ACLY: variants seen among roughly 807,000 people sequenced by gnomAD.
ACLY encodes the protein ATP-citrate synthase.
ACLY carries 41 observed loss-of-function variants against 133.0 expected under a neutral mutation model. That is an observed-to-expected ratio of 0.31 (90% CI 0.24 to 0.40). The LOEUF is 0.40. Ranked by LOEUF, ACLY falls within the 10% of genes least tolerant of loss-of-function variation. The probability of loss-of-function intolerance (pLI) is 1.00; values close to 1 mark genes in which losing one functional copy is unlikely to be tolerated. For missense variants in ACLY, 1,046 were observed against 1,453.8 expected, an observed-to-expected ratio of 0.72 and a Z score of 4.56; for synonymous variants, 495 against 549.3, an observed-to-expected ratio of 0.90 and a Z score of 1.38.
chr17:41,907,983 G>T (rs1481912918), intron 6 of ACLY, among the ~76,000 whole-genome samples: 1 of 152,136 alleles, frequency 6.6e-6, no homozygotes, highest in East Asian at 1.9e-4. Flanking sequence ...GTCTCCCAGG[G>T]TCTGGCTAGG....
chr17:41,875,483 T>TCCCTCTCCCCACG (rs1555625929), intron 22 of ACLY, among the ~76,000 whole-genome samples: 1 of 151,898 alleles, frequency 6.6e-6, no homozygotes, highest in African/African-American at 2.4e-5. Flanking sequence ...GGTCTCCCTC[T>TCCCTCTCCCCACG]GATGCCGAGC....
At position 41,913,913 on chromosome 17, in the gene ACLY, A is replaced by G. The variant is rs1555634107; in HGVS notation, c.-23-17T>C. 6.2e-6 allele frequency: 10 copies of G among 1,613,116 alleles called. No homozygotes were observed. The highest frequency in any genetic ancestry group is 7.6e-6 in the Non-Finnish European group (9 of 1,179,466). On this transcript the variant is annotated splice_polypyrimidine_tract_variant and intron_variant, in intron 1 of 28. Coordinates refer to ENST00000352035, the MANE Select transcript of ACLY (RefSeq NM_001096.3). ...CTGCTCTACCTGTCTGGGAGAGAGA[A>G]GCTGGTCAGAAGGGGGCAGGCGTGT... is the stretch of plus-strand genomic sequence containing the variant.
At chr17:41,880,336 A>C (rs1230339954) in intron 20 of ACLY, among the ~76,000 whole-genome samples, 2 of 152,210 alleles carry the variant, frequency 1.3e-5, no homozygotes, top group African/African-American at 4.8e-5. Context: ...ATGCAAACAG[A>C]ACAAAAAGGT....
At chr17:41,904,430 C>T in intron 10 of ACLY, 1 of 360,614 alleles carries the variant, frequency 2.8e-6, no homozygotes, top group Non-Finnish European at 5.1e-6. Context: ...ATCGATTGAG[C>T]CAGTGCTCCA....
At position 41,873,810 on chromosome 17, in the gene ACLY, C is replaced by A; in HGVS notation, c.2642+1G>T. On this transcript the variant is annotated splice_donor_variant, in intron 23 of 28. Coordinates refer to ENST00000352035, the MANE Select transcript of ACLY (RefSeq NM_001096.3). LOFTEE classifies it high-confidence loss of function. Reference sequence around the variant, plus strand: ...TGTAATCTTCTGCCCTCCATGCTCACCTTTTCTGGAACCAGAGGAGGCCGA... The same window carrying A: ...TGTAATCTTCTGCCCTCCATGCTCAACTTTTCTGGAACCAGAGGAGGCCGA... The A allele has an allele frequency of 6.4e-7, 1 of 1,561,112 alleles. No homozygotes were observed.
At chr17:41,881,085 C>A (rs1191113161) in intron 20 of ACLY, among the ~76,000 whole-genome samples, 1 of 150,568 alleles carries the variant, frequency 6.6e-6, no homozygotes, top group Non-Finnish European at 1.5e-5. Context: ...GGCTGTTGGG[C>A]GAGTACAGAG....
chr17:41,888,185 ACAGGCCTCTGCTCGTAAT>A (rs558121050), intron 16 of ACLY, among the ~76,000 whole-genome samples: 12 of 152,240 alleles, frequency 7.9e-5, no homozygotes, highest in African/African-American at 2.9e-4. Context: ...CATTCTTCCC[ACAGGCCTCTGCTCGTAAT>A]CACTCTAACC....
chr17:41,901,647 A>G, intron 11 of ACLY, 49 bp downstream of exon 11: 1 of 1,488,552 alleles, frequency 6.7e-7, no homozygotes, highest in South Asian at 1.2e-5. Context: ...CCAAAGAGGA[A>G]GGCCACCCAC....
Position 41,901,812 on chromosome 17 carries a change from C to T in ACLY, c.1067G>A (p.Gly356Asp), listed in dbSNP as rs1555631680. 1 of 1,564,702 alleles carries T rather than the reference C, an allele frequency of 6.4e-7. No homozygotes were observed. The highest frequency in any genetic ancestry group is 1.2e-5 in the South Asian group (1 of 85,174). Residue 356 changes from glycine to aspartate, a missense_variant and splice_region_variant, in exon 11 of 29, where the codon GGC becomes GAC. Coordinates refer to ENST00000352035, the MANE Select transcript of ACLY (RefSeq NM_001096.3). Reference protein sequence around the residue: ...NFTNVAATFKGIVRAIRDYQG... With the variant: ...NFTNVAATFKDIVRAIRDYQG... ...GTAATCTCGAATTGCTCTCACGATG[C>T]CCTGGAAGCCCAAAGTGACATGTGA...
At chr17:41,889,379 CGTG>C (rs1218606435) in intron 16 of ACLY, among the ~76,000 whole-genome samples, 1 of 151,098 alleles carries the variant, frequency 6.6e-6, no homozygotes, top group Admixed American at 6.6e-5. Flanking sequence ...ATTAGCTGGG[CGTG>C]GTGGCAGGCG....
chr17:41,906,460 C>A, intron 8 of ACLY, 68 bp downstream of exon 8: 3 of 1,405,730 alleles, frequency 2.1e-6, no homozygotes, highest in Admixed American at 1.7e-5. Context: ...CCCCACCCAC[C>A]CAGGCTACAC....
chr17:41,888,150 G>A (rs546967831), intron 16 of ACLY, among the ~76,000 whole-genome samples: 122 of 151,814 alleles, frequency 8.0e-4, no homozygotes, highest in African/African-American at 2.8e-3. Flanking sequence ...AAAACAAAAC[G>A]AAAAAACAAA....
At position 41,899,278 on chromosome 17, in the gene ACLY, C is replaced by CA. The variant is rs534618272; in HGVS notation, c.1184-494dup. ...GGTGACAGAGTGAGACTCTTGTCTC[C>CA]AAAAAAAAAAAACCACATAAGAAAC... On this transcript the variant is annotated intron_variant, in intron 11 of 28. Transcript: ENST00000352035. 4.9e-3 allele frequency among the ~76,000 whole-genome samples: 634 copies of CA among 128,504 alleles called. 4 individuals are homozygous for CA. Among genetic ancestry groups the CA allele is most frequent in the Non-Finnish European group, 5.6e-3 (333 of 59,442 alleles). 84.3% of individuals were successfully genotyped at this position (128,504 alleles called of 152,430 possible). A position where few individuals can be genotyped will look rare whatever the true frequency, so the allele number is the denominator to read the frequency against.
chr17:41,903,596 TA>T (rs1156255423), intron 10 of ACLY, among the ~76,000 whole-genome samples: 2 of 150,636 alleles, frequency 1.3e-5, no homozygotes, highest in Admixed American at 1.3e-4. Flanking sequence ...CTACTAAAAA[TA>T]CAAAAAAAAT....
chr17:41,879,690 A>AAAAAAAAAAT (rs2048862138), intron 20 of ACLY, among the ~76,000 whole-genome samples: 1 of 129,124 alleles, frequency 7.7e-6, no homozygotes, highest in African/African-American at 2.9e-5. Flanking sequence ...AAAAAAAAGA[A>AAAAAAAAAAT]GTGCTAAATG....
At chr17:41,916,355 C>A (rs1262801711) in intron 1 of ACLY, among the ~76,000 whole-genome samples, 1 of 150,706 alleles carries the variant, frequency 6.6e-6, no homozygotes, top group African/African-American at 2.4e-5. Context: ...TCAGTGAGGT[C>A]TTCTGTTTTT....
intron 25 of ACLY, 90 bp downstream of exon 25, chr17:41,871,599 C>T: frequency 1.3e-6 from 2 of 1,519,586 alleles, no homozygotes; most frequent in African/African-American, 1.4e-5. Flanking sequence ...AAGTGATCCA[C>T]CTGCCTTGGC....
upstream of ACLY, among the ~76,000 whole-genome samples, chr17:41,921,131 CAAA>C (rs34787014): frequency 1.7e-4 from 22 of 131,508 alleles, no homozygotes; most frequent in South Asian, 2.5e-4. Context: ...CATCTCAAAG[CAAA>C]AAAAAAAAAA....
rs1555631641 is a variant in ACLY at position 41,901,727 on chromosome 17, A to G, written c.1152T>C (p.Tyr384=). The change falls in exon 11 of 29, where the codon TAT becomes TAC. Residue 384 remains tyrosine (Y), a synonymous_variant. Coordinates refer to ENST00000352035, the MANE Select transcript of ACLY (RefSeq NM_001096.3). ...TIFVRRGGPN[Y]QEGLRVMGEV... ...CTCCCATCACCCGTAAGCCCTCCTG[A>G]TAGTTGGGGCCACCTCTTCGGACAA... 1 of 1,610,990 alleles carries G rather than the reference A, an allele frequency of 6.2e-7. No homozygotes were observed. The highest frequency in any genetic ancestry group is 8.5e-7 in the Non-Finnish European group (1 of 1,178,216).
Sources: gnomAD v4.1 joint callset for allele counts (sites outside exome capture counted in the v4.1 genomes callset) on GRCh38, gnomAD v4.1.1 for gene constraint, MANE v1.5 for transcripts, NCBI Gene and HGNC (gene_info 2026-07-23, HGNC 2026-07-21) for gene names.